Variants in PECAM1 observed in about 807,000 individuals in gnomAD.
PECAM1 encodes platelet endothelial cell adhesion molecule.
In PECAM1, 8 loss-of-function variants were observed where a neutral mutation model predicts 13.8. The observed-to-expected ratio is 0.58, with a 90% CI of 0.34 to 1.05. PECAM1 has a LOEUF of 1.05. Ranked by LOEUF, PECAM1 falls within the 50% of genes least tolerant of loss-of-function variation. The pLI is 0.03. For synonymous variants in PECAM1, 136 were observed against 52.6 expected (o/e 2.58, Z -6.86); for missense variants, 304 against 141.2 (o/e 2.15, Z -5.84).
At position 64,323,130 on chromosome 17, in the gene PECAM1, G is replaced by T. The variant is rs2034847533; in HGVS notation, c.*686C>A. On this transcript the variant is annotated 3_prime_UTR_variant, in exon 16 of 16. Transcript: ENST00000563924. The stretch of plus-strand genomic sequence containing the variant: ...CAGCCTTCAGCATGGTAGAGGAAAA[G>T]AGAAAGAGTGTAGACAAAAACAGTT... 5.1e-6 allele frequency: 5 copies of T among 985,718 alleles called. No individual in the cohort carries two copies. The highest frequency in any genetic ancestry group is 6.0e-6 in the Non-Finnish European group (5 of 830,126). The allele number at this position is 985,718 out of a possible 1,614,324, so 61.1% of individuals were successfully genotyped here. A position where few individuals can be genotyped will look rare whatever the true frequency, so the allele number is the denominator to read the frequency against.
At chr17:64,378,251 A>G (rs1229138814) in intron 2 of PECAM1, 134 bp from the exon 3 acceptor site, 4 of 396,982 alleles carry the variant, frequency 1.0e-5, no homozygotes, top group Non-Finnish European at 4.4e-6. Context: ...ACGTGCCTAC[A>G]GGGCCAGGCT....
intron 15 of PECAM1, chr17:64,324,051 A>G: frequency 4.8e-6 from 4 of 832,726 alleles, no homozygotes; most frequent in Non-Finnish European, 8.0e-6. Flanking sequence ...GTGGCCCCTC[A>G]GAAGACAACA....
chr17:64,330,456 G>C (rs1275949799), intron 14 of PECAM1, among the ~76,000 whole-genome samples: 1 of 152,050 alleles, frequency 6.6e-6, no homozygotes, highest in Non-Finnish European at 1.5e-5. Context: ...GGCCAACATG[G>C]TGAAATCCCA....
At chr17:64,383,498 T>C (rs1354662907) in intron 2 of PECAM1, among the ~76,000 whole-genome samples, 1 of 152,062 alleles carries the variant, frequency 6.6e-6, no homozygotes, top group Admixed American at 6.5e-5. Context: ...ATAGCAAACA[T>C]TTAAGGGGGT....
At chr17:64,377,788 C>G (rs2036397103) in intron 3 of PECAM1, 36 bp downstream of exon 3, 2 of 474,674 alleles carry the variant, frequency 4.2e-6, no homozygotes, top group East Asian at 6.2e-5. Context: ...GTGCTATGCT[C>G]CATCTGCTTG....
At chr17:64,342,314 C>A (rs2035454543) in intron 13 of PECAM1, among the ~76,000 whole-genome samples, 1 of 152,170 alleles carries the variant, frequency 6.6e-6, no homozygotes. Flanking sequence ...GGCCTGCAGC[C>A]TCCAGCTTGC....
intron 15 of PECAM1, 143 bp downstream of exon 15, chr17:64,329,557 C>A: frequency 1.5e-6 from 1 of 658,532 alleles, no homozygotes; most frequent in Admixed American, 2.3e-5. Flanking sequence ...CAAGGCTAGT[C>A]AGAGAAGCCC....
At chr17:64,351,674 C>T (rs1177889843) in intron 11 of PECAM1, among the ~76,000 whole-genome samples, 2 of 152,046 alleles carry the variant, frequency 1.3e-5, no homozygotes, top group East Asian at 3.9e-4. Flanking sequence ...GAGATTGCAC[C>T]ACTGCACTCC....
intron 14 of PECAM1, among the ~76,000 whole-genome samples, chr17:64,340,219 G>A (rs2035390897): frequency 6.6e-6 from 1 of 152,204 alleles, no homozygotes; most frequent in African/African-American, 2.4e-5. Context: ...AACATCTGAA[G>A]CTGGCTAAGT....
chr17:64,345,072 G>A (rs1335634890), intron 13 of PECAM1, among the ~76,000 whole-genome samples: 1 of 152,164 alleles, frequency 6.6e-6, no homozygotes, highest in Non-Finnish European at 1.5e-5. Flanking sequence ...GGCTGGTCTT[G>A]AATGCCTGGG....
At chr17:64,382,936 A>C (rs1416062890) in intron 2 of PECAM1, among the ~76,000 whole-genome samples, 2 of 152,086 alleles carry the variant, frequency 1.3e-5, no homozygotes, top group African/African-American at 4.8e-5. Flanking sequence ...TCTACTCGGG[A>C]GGCTGAGGCA....
At chr17:64,353,893 G>A (rs1410295292) in intron 9 of PECAM1, among the ~76,000 whole-genome samples, 4 of 151,712 alleles carry the variant, frequency 2.6e-5, no homozygotes, top group African/African-American at 9.7e-5. Context: ...CAATGATATG[G>A]GAACCAGATT....
intron 4 of PECAM1, among the ~76,000 whole-genome samples, chr17:64,374,784 A>AG (rs2036320547): frequency 5.5e-5 from 1 of 18,212 alleles, no homozygotes; most frequent in Admixed American, 4.6e-3. Context: ...ACTCTGTCTC[A>AG]AAAAAAAAAC....
At chr17:64,374,232 G>A (rs1403961449) in intron 4 of PECAM1, among the ~76,000 whole-genome samples, 1 of 152,214 alleles carries the variant, frequency 6.6e-6, no homozygotes, top group Non-Finnish European at 1.5e-5. Flanking sequence ...GCTCACGCCT[G>A]TAATCCTAGC....
At chr17:64,381,560 A>C (rs1386694333) in intron 2 of PECAM1, among the ~76,000 whole-genome samples, 2 of 152,128 alleles carry the variant, frequency 1.3e-5, no homozygotes, top group Non-Finnish European at 2.9e-5. Flanking sequence ...GTAATTTAAA[A>C]TTTAATCTTC....
intron 2 of PECAM1, among the ~76,000 whole-genome samples, chr17:64,388,642 C>G (rs2036651750): frequency 6.6e-6 from 1 of 152,124 alleles, no homozygotes; most frequent in Admixed American, 6.6e-5. Flanking sequence ...AACTGCCTCT[C>G]TCGTGGACAA....
intron 14 of PECAM1, among the ~76,000 whole-genome samples, chr17:64,339,353 G>A (rs1046057198): frequency 6.6e-6 from 1 of 152,058 alleles, no homozygotes; most frequent in African/African-American, 2.4e-5. Flanking sequence ...TGTAAAATGG[G>A]ATTTGTGGTG....
intron 4 of PECAM1, chr17:64,370,353 G>A (rs1332563666): frequency 1.6e-5 from 3 of 188,932 alleles, no homozygotes; most frequent in Admixed American, 6.2e-5. Context: ...TGCCCACTAC[G>A]AGTTTTCTAG....
At chr17:64,384,361 A>T (rs1598057296) in intron 2 of PECAM1, among the ~76,000 whole-genome samples, 1 of 150,990 alleles carries the variant, frequency 6.6e-6, no homozygotes, top group African/African-American at 2.4e-5. Context: ...AACCACCACC[A>T]CCTCCCTTGC....
Sources: allele counts gnomAD v4.1 joint callset (sites outside exome capture counted in the v4.1 genomes callset), GRCh38; gene constraint gnomAD v4.1.1; transcripts MANE v1.5; gene names NCBI Gene and HGNC (gene_info 2026-07-23, HGNC 2026-07-21).